Variants in RBFOX1 observed in about 807,000 individuals in gnomAD.
The protein encoded by RBFOX1 is RNA binding fox-1 homolog 1.
RBFOX1 carries 8 observed loss-of-function variants against 57.7 expected under a neutral mutation model. The ratio of observed to expected loss-of-function variants is 0.14; its 90% CI spans 0.08 to 0.25. The LOEUF (loss-of-function observed/expected upper bound fraction) is 0.25. RBFOX1 is among the 10% of genes least tolerant of loss of function. The pLI is 1.00. For missense variants in RBFOX1, 611 were observed against 548.5 expected (o/e 1.11, Z -1.14); for synonymous variants, 326 against 222.4 (o/e 1.47, Z -4.15).
chr16:5,769,253 C>T (rs1364369369), intron 3 of RBFOX1, among the ~76,000 whole-genome samples: 2 of 152,028 alleles, frequency 1.3e-5, no homozygotes, highest in Non-Finnish European at 2.9e-5. Context: ...AGCACGTGAC[C>T]TTATTTGGAG....
Position 5,557,476 on chromosome 16 carries a change from G to A in RBFOX1, c.259-41426G>A, listed in dbSNP as rs921169519. Among the ~76,000 whole-genome samples, 42 of 152,038 alleles carry A rather than the reference G, an allele frequency of 2.8e-4. 1 individual carries two copies. Among genetic ancestry groups the A allele is most frequent in the Non-Finnish European group, 1.3e-4 (9 of 68,002 alleles). ...GAATATACATTTTGATGCATAATAT[G>A]ACGAAACAGGTGGGGTGCTTGCGGT... On this transcript the variant is annotated intron_variant, in intron 2 of 2. Transcript: ENST00000585867.
intron 2 of RBFOX1, among the ~76,000 whole-genome samples, chr16:6,540,428 A>G (rs1199091720): frequency 6.6e-6 from 1 of 151,906 alleles, no homozygotes; most frequent in African/African-American, 2.4e-5. Flanking sequence ...CCTGGCCAAC[A>G]TGGTAAAACC....
chr16:7,355,946 C>T (rs2097207495), intron 4 of RBFOX1, among the ~76,000 whole-genome samples: 1 of 152,172 alleles, frequency 6.6e-6, no homozygotes, highest in African/African-American at 2.4e-5. Flanking sequence ...GGCCAAAAAC[C>T]ATATTTTCTT....
intron 4 of RBFOX1, among the ~76,000 whole-genome samples, chr16:7,240,083 C>G (rs1443380583): frequency 6.6e-6 from 1 of 152,172 alleles, no homozygotes; most frequent in Non-Finnish European, 1.5e-5. Flanking sequence ...TCTCCTGCCT[C>G]AGACTCTTGA....
chr16:7,064,763 C>A (rs1252253532), intron 4 of RBFOX1, among the ~76,000 whole-genome samples: 6 of 152,242 alleles, frequency 3.9e-5, no homozygotes, highest in African/African-American at 1.4e-4. Context: ...AATGAACAAC[C>A]AACTAACCAA....
intron 4 of RBFOX1, among the ~76,000 whole-genome samples, chr16:7,475,442 G>A (rs763392373): frequency 2.0e-5 from 3 of 151,920 alleles, no homozygotes; most frequent in Non-Finnish European, 2.9e-5. Context: ...AGCCTCCTGA[G>A]TAGCTGGGAC....
chr16:6,318,959 T>G (rs1340724403), intron 2 of RBFOX1, among the ~76,000 whole-genome samples: 1 of 151,936 alleles, frequency 6.6e-6, no homozygotes, highest in Non-Finnish European at 1.5e-5. Context: ...TCAATCCCCT[T>G]CAGAGACCAA....
At chr16:5,684,405 T>C (rs1212388726) in intron 3 of RBFOX1, among the ~76,000 whole-genome samples, 1 of 152,144 alleles carries the variant, frequency 6.6e-6, no homozygotes, top group East Asian at 1.9e-4. Context: ...CATGACCTAG[T>C]TGGGACAAAT....
chr16:5,354,368 G>T (rs549161198), intron 1 of RBFOX1, among the ~76,000 whole-genome samples: 1 of 152,232 alleles, frequency 6.6e-6, no homozygotes, highest in South Asian at 2.1e-4. Flanking sequence ...CTGAAAGACA[G>T]ACCGACTTGA....
chr16:6,920,354 C>T (rs974047255), intron 3 of RBFOX1, among the ~76,000 whole-genome samples: 8 of 152,166 alleles, frequency 5.3e-5, no homozygotes, highest in African/African-American at 1.4e-4. Context: ...CTGATATTGT[C>T]ATGATACAAT....
chr16:5,615,346 C>G (rs2047982418), intron 3 of RBFOX1, among the ~76,000 whole-genome samples: 1 of 152,162 alleles, frequency 6.6e-6, no homozygotes, highest in African/African-American at 2.4e-5. Flanking sequence ...GTTTTTTTGA[C>G]AAGCTAAGAG....
chr16:7,045,425 T>C (rs1421000418), intron 3 of RBFOX1, among the ~76,000 whole-genome samples: 2 of 152,210 alleles, frequency 1.3e-5, no homozygotes, highest in Admixed American at 6.5e-5. Context: ...AATCTCATTT[T>C]CCTTATTTGG....
intron 3 of RBFOX1, among the ~76,000 whole-genome samples, chr16:5,776,836 T>C (rs531567453): frequency 4.5e-4 from 68 of 152,336 alleles, no homozygotes; most frequent in African/African-American, 1.6e-3. Context: ...AGATTTTGTG[T>C]GATGATGGAA....
intron 2 of RBFOX1, among the ~76,000 whole-genome samples, chr16:6,627,018 T>C (rs976910774): frequency 1.3e-5 from 2 of 152,226 alleles, no homozygotes; most frequent in African/African-American, 2.4e-5. Flanking sequence ...CTGGGCTATG[T>C]TGCCGAAGGC....
chr16:6,171,493 C>T (rs886336940), intron 1 of RBFOX1, among the ~76,000 whole-genome samples: 11 of 152,166 alleles, frequency 7.2e-5, no homozygotes, highest in Admixed American at 2.6e-4. Context: ...TAGACACATT[C>T]CTGGAGTTTG....
chr16:7,109,607 C>T (rs2064271803), intron 4 of RBFOX1, among the ~76,000 whole-genome samples: 1 of 151,964 alleles, frequency 6.6e-6, no homozygotes, highest in Non-Finnish European at 1.5e-5. Context: ...GGATCACAAG[C>T]CCAGTTTTAG....
At chr16:5,912,128 C>T (rs979528368) in intron 4 of RBFOX1, among the ~76,000 whole-genome samples, 2 of 152,142 alleles carry the variant, frequency 1.3e-5, no homozygotes, top group African/African-American at 4.8e-5. Flanking sequence ...ACCTGAGCTT[C>T]ACACCCATCT....
chr16:6,088,861 C>T lies in RBFOX1; in HGVS notation c.-127+68869C>T, dbSNP rs549236806. Among the ~76,000 whole-genome samples the T allele has an allele frequency of 2.0e-5, 3 of 152,126 alleles. No individual in the cohort carries two copies. In the South Asian group the frequency reaches 6.2e-4, roughly 32 times the overall value. On this transcript the variant is annotated intron_variant, in intron 1 of 15. Transcript: ENST00000550418. ...CCTGTAATCCCAGCACTTTGGGAGA[C>T]CAAGGCGGGCATATCAGGAGGTCAG...
rs143573994 is a variant in RBFOX1 at position 7,518,318 on chromosome 16, C to G, written c.199C>G (p.Pro67Ala). The G allele has an allele frequency of 4.6e-5, 74 of 1,613,980 alleles. No individual in the cohort carries two copies. The highest frequency in any genetic ancestry group is 6.1e-5 in the Non-Finnish European group (72 of 1,180,008). The change falls in exon 5 of 16, where the codon CCT becomes GCT. Residue 67 changes from proline (P) to alanine (A), a missense_variant. By Grantham distance (27) the Pro-to-Ala change is conservative. Coordinates refer to ENST00000550418, the MANE Select transcript of RBFOX1 (RefSeq NM_018723.4). ...TCCCGAGCACACATTAAACCTGTACCCTCCCGCCCAGACGCACTCCGAGCA... is the reference window on the plus strand; with the variant it reads ...TCCCGAGCACACATTAAACCTGTACGCTCCCGCCCAGACGCACTCCGAGCA... ...TVPEHTLNLY[P>A]PAQTHSEQSP...
Sources: allele counts gnomAD v4.1 joint callset (sites outside exome capture counted in the v4.1 genomes callset), GRCh38; gene constraint gnomAD v4.1.1; transcripts MANE v1.5; gene names NCBI Gene and HGNC (gene_info 2026-07-23, HGNC 2026-07-21).